Variants in KLHL7 observed in about 807,000 individuals in gnomAD.
The protein encoded by KLHL7 is kelch like family member 7, also known as kelch-like protein 7.
Under a neutral mutation model 67.4 loss-of-function variants are expected in KLHL7, and 44 were observed. That is an observed-to-expected ratio of 0.65 (90% CI 0.51 to 0.84). KLHL7 has a LOEUF of 0.84. Ranked by LOEUF, KLHL7 falls within the 40% of genes least tolerant of loss-of-function variation. The pLI is 0.00. For synonymous variants in KLHL7, 252 were observed against 243.3 expected (o/e 1.04, Z -0.33); for missense variants, 362 against 718.1 (o/e 0.50, Z 5.67).
intron 1 of KLHL7, among the ~76,000 whole-genome samples, chr7:23,115,570 G>GTCTC (rs1262166623): frequency 4.6e-5 from 7 of 151,654 alleles, no homozygotes; most frequent in African/African-American, 1.7e-4. Flanking sequence ...TTGAGATGGA[G>GTCTC]TCTCGCTCTG....
chr7:23,144,360 C>T (rs1376671797), intron 6 of KLHL7, among the ~76,000 whole-genome samples: 1 of 152,068 alleles, frequency 6.6e-6, no homozygotes, highest in Non-Finnish European at 1.5e-5. Flanking sequence ...CTTTCTTAAA[C>T]AGTATTTTGT....
At position 23,105,805 on chromosome 7, in the gene KLHL7, G is replaced by A. The variant is rs1306227087; in HGVS notation, c.-222G>A. 4.9e-6 allele frequency: 3 copies of A among 618,370 alleles called. No individual in the cohort carries two copies. The highest frequency in any genetic ancestry group is 3.1e-5 in the East Asian group (1 of 32,476). 38.3% of individuals were successfully genotyped at this position (618,370 alleles called of 1,614,324 possible). ...GGCTCGGGTTCTGCCCGGGGACGCA[G>A]CCCAGTTGGTAGCGTCGCTCCCTGA... On this transcript the variant is annotated 5_prime_UTR_variant, in exon 1 of 11. Coordinates refer to ENST00000339077, the MANE Select transcript of KLHL7 (RefSeq NM_001031710.3).
chr7:23,114,789 C>T (rs1268381147), intron 1 of KLHL7, among the ~76,000 whole-genome samples: 2 of 152,180 alleles, frequency 1.3e-5, no homozygotes, highest in African/African-American at 4.8e-5. Context: ...CAATTCACTT[C>T]TATTTCCCAT....
intron 1 of KLHL7, among the ~76,000 whole-genome samples, chr7:23,107,675 G>A (rs1209009579): frequency 4.6e-5 from 7 of 152,152 alleles, no homozygotes; most frequent in African/African-American, 1.7e-4. Flanking sequence ...TACAATTACT[G>A]AAAAATCAGG....
intron 1 of KLHL7, chr7:23,117,965 G>A (rs965427639): frequency 2.5e-6 from 4 of 1,613,888 alleles, no homozygotes; most frequent in Admixed American, 3.3e-5. Context: ...AAATCTAAAG[G>A]TTAGTCATTC....
At chr7:23,151,212 A>G (rs1473038422) in intron 6 of KLHL7, among the ~76,000 whole-genome samples, 7 of 137,904 alleles carry the variant, frequency 5.1e-5, no homozygotes. Flanking sequence ...ATGGGTTTAT[A>G]TATTCAGATT....
At chr7:23,117,812 T>C in intron 1 of KLHL7, 1 of 1,586,370 alleles carries the variant, frequency 6.3e-7, no homozygotes. Context: ...AATAAGGGCC[T>C]CATTTCCCTT....
chr7:23,132,306 G>A (rs1783830818), intron 4 of KLHL7, among the ~76,000 whole-genome samples: 1 of 152,038 alleles, frequency 6.6e-6, no homozygotes, highest in African/African-American at 2.4e-5. Context: ...CCACATCCTT[G>A]CCAGCATTTG....
chr7:23,130,890 A>G (rs1316093560), intron 4 of KLHL7, among the ~76,000 whole-genome samples: 2 of 152,220 alleles, frequency 1.3e-5, no homozygotes, highest in African/African-American at 4.8e-5. Flanking sequence ...ATGTCTGGGG[A>G]GTATTCCCTT....
chr7:23,146,942 T>G (rs1012893130), intron 6 of KLHL7, among the ~76,000 whole-genome samples: 5 of 152,146 alleles, frequency 3.3e-5, no homozygotes, highest in African/African-American at 9.6e-5. Flanking sequence ...ATTATTGTTG[T>G]ACTTCATTTA....
At position 23,175,168 on chromosome 7, in the gene KLHL7, T is replaced by C. The variant is rs946555724; in HGVS notation, c.*870T>C. The C allele has an allele frequency of 3.5e-5, 16 of 453,994 alleles. No individual in the cohort carries two copies. The highest frequency in any genetic ancestry group is 1.6e-4 in the Admixed American group (7 of 42,558). The allele number at this position is 453,994 out of a possible 1,614,324, so 28.1% of individuals were successfully genotyped here. A position where few individuals can be genotyped will look rare whatever the true frequency, so the allele number is the denominator to read the frequency against. Reference sequence around the variant, plus strand: ...TTGACTTTGAACTTCTTTAACGAGATCATGAATTCTTTTCCCTTAGCCAAA... The same window carrying C: ...TTGACTTTGAACTTCTTTAACGAGACCATGAATTCTTTTCCCTTAGCCAAA... On this transcript the variant is annotated 3_prime_UTR_variant, in exon 11 of 11. Coordinates refer to ENST00000339077, the MANE Select transcript of KLHL7 (RefSeq NM_001031710.3).
At chr7:23,162,612 A>T (rs181899086) in intron 7 of KLHL7, among the ~76,000 whole-genome samples, 22 of 152,318 alleles carry the variant, frequency 1.4e-4, no homozygotes, top group African/African-American at 4.8e-4. Context: ...AGTTCCTTTG[A>T]ACTACATTCT....
rs1052403625 is a variant in KLHL7, at chr7:23,145,278, A to G, written c.793+1253A>G. On this transcript the variant is annotated intron_variant, in intron 6 of 10. Coordinates refer to ENST00000339077, the MANE Select transcript of KLHL7 (RefSeq NM_001031710.3). ...TTGTCTCTTGGCCTTTTTCTGAGAG[A>G]GAGCTTGATTTTTTTCAACCCTTTT... is the stretch of plus-strand genomic sequence containing the variant. Among the ~76,000 whole-genome samples, 6 of 148,356 alleles carry G rather than the reference A, an allele frequency of 4.0e-5. No homozygotes were observed. The East Asian group carries it at 1.2e-3, about 29-fold the overall frequency.
chr7:23,129,885 C>G (rs1783731233), intron 4 of KLHL7: 1 of 153,580 alleles, frequency 6.5e-6, no homozygotes, highest in African/African-American at 2.4e-5. Context: ...ACCTCCTTGT[C>G]CTTGGATTTA....
intron 1 of KLHL7, among the ~76,000 whole-genome samples, chr7:23,119,145 T>G (rs1783223383): frequency 6.6e-6 from 1 of 152,240 alleles, no homozygotes; most frequent in Non-Finnish European, 1.5e-5. Flanking sequence ...CTACACACAG[T>G]TACCCCTATC....
chr7:23,173,465 T>C (rs755279376), intron 10 of KLHL7, among the ~76,000 whole-genome samples: 39 of 152,238 alleles, frequency 2.6e-4, no homozygotes, highest in Non-Finnish European at 4.7e-4. Context: ...AATATCAATA[T>C]TGTAATTTTT....
At chr7:23,148,041 A>G (rs1366301693) in intron 6 of KLHL7, among the ~76,000 whole-genome samples, 1 of 152,226 alleles carries the variant, frequency 6.6e-6, no homozygotes, top group Admixed American at 6.5e-5. Flanking sequence ...TGCCTCATAC[A>G]GCCAATAAAA....
intron 4 of KLHL7, among the ~76,000 whole-genome samples, chr7:23,134,266 C>T (rs943305916): frequency 4.6e-5 from 7 of 152,012 alleles, no homozygotes; most frequent in African/African-American, 1.7e-4. Flanking sequence ...GATTCGTGTA[C>T]GTTGAACCAT....
In KLHL7 at chr7:23,166,081, T is replaced by C. The variant is rs1784996766; in HGVS notation, c.1177+143T>C. The C allele has an allele frequency of 8.1e-6, 8 of 983,078 alleles. No individual in the cohort carries two copies. In the South Asian group the frequency reaches 1.2e-4, roughly 14 times the overall value. 60.9% of individuals were successfully genotyped at this position (983,078 alleles called of 1,614,324 possible). The stretch of plus-strand genomic sequence containing the variant: ...ATATGTGTTTGTCACATTTTAGAGC[T>C]CATCTCCCTGAAGGTTTATGTCGTT... On this transcript the variant is annotated intron_variant, in intron 8 of 10. Coordinates refer to ENST00000339077, the MANE Select transcript of KLHL7 (RefSeq NM_001031710.3).
Sources: allele counts gnomAD v4.1 joint callset (sites outside exome capture counted in the v4.1 genomes callset), GRCh38; gene constraint gnomAD v4.1.1; transcripts MANE v1.5; gene names NCBI Gene and HGNC (gene_info 2026-07-23, HGNC 2026-07-21).